The following HERC1 variants were observed in gnomAD, a reference collection of about 807,000 sequenced individuals.
The protein encoded by HERC1 is HECT and RLD domain containing E3 ubiquitin protein ligase family member 1.
In HERC1, 160 loss-of-function variants were observed where a neutral mutation model predicts 554.3. The ratio of observed to expected loss-of-function variants is 0.29; its 90% CI spans 0.25 to 0.33. The LOEUF is 0.33. Ranked by LOEUF, HERC1 falls within the 10% of genes least tolerant of loss-of-function variation. The probability of loss-of-function intolerance (pLI) is 1.00; values close to 1 mark genes in which losing one functional copy is unlikely to be tolerated. For synonymous variants in HERC1, 2,175 were observed against 2,131.7 expected (o/e 1.02, Z -0.56); for missense variants, 4,919 against 5,918.5 (o/e 0.83, Z 5.54).
At chr15:63,805,832 A>G (rs188439347) in intron 1 of HERC1, among the ~76,000 whole-genome samples, 11 of 151,806 alleles carry the variant, frequency 7.2e-5, no homozygotes, top group Admixed American at 4.6e-4. Flanking sequence ...GGTCCTAGCT[A>G]CTTGGGAAGC....
In HERC1 at chr15:63,620,187, T is replaced by C. The variant is rs2068011139; in HGVS notation, c.13688+2628A>G. On this transcript the variant is annotated intron_variant, in intron 74 of 77. Coordinates refer to ENST00000443617, the MANE Select transcript of HERC1 (RefSeq NM_003922.4). ...TGAATGTGTCCCAGAGATTCTGGTATGTTGTGTCTTTGTTCTCGTTGGTTT... is the reference window on the plus strand; with the variant it reads ...TGAATGTGTCCCAGAGATTCTGGTACGTTGTGTCTTTGTTCTCGTTGGTTT... Among the ~76,000 whole-genome samples, 3 of 152,234 alleles carry C rather than the reference T, an allele frequency of 2.0e-5. No homozygotes were observed. In the South Asian group the frequency reaches 6.2e-4, roughly 32 times the overall value.
intron 25 of HERC1, among the ~76,000 whole-genome samples, chr15:63,703,493 T>G (rs150032998): frequency 6.6e-6 from 1 of 152,342 alleles, no homozygotes; most frequent in African/African-American, 2.4e-5. Flanking sequence ...CTCATCAGGC[T>G]TTTAGTAATT....
intron 48 of HERC1, 67 bp from the exon 49 acceptor site, chr15:63,656,425 C>T (rs2070038860): frequency 2.2e-6 from 3 of 1,336,416 alleles, no homozygotes; most frequent in South Asian, 2.6e-5. Context: ...CATTTGCAGT[C>T]CCACATAACA....
chr15:63,713,312 G>C (rs1354077325), intron 23 of HERC1, 41 bp downstream of exon 23: 1 of 1,498,308 alleles, frequency 6.7e-7, no homozygotes, highest in Admixed American at 1.7e-5. Flanking sequence ...GTAATAAAGG[G>C]AAGTGAGTAG....
At chr15:63,791,160 C>G (rs1256665516) in intron 1 of HERC1, among the ~76,000 whole-genome samples, 3 of 152,168 alleles carry the variant, frequency 2.0e-5, no homozygotes, top group Non-Finnish European at 2.9e-5. Context: ...GATGACATAT[C>G]TATCAACCTT....
At chr15:63,624,680 G>GT (rs2068225265) in intron 71 of HERC1, among the ~76,000 whole-genome samples, 1 of 152,176 alleles carries the variant, frequency 6.6e-6, no homozygotes, top group Non-Finnish European at 1.5e-5. Context: ...TGGGCACAGA[G>GT]TGAGACCCTG....
chr15:63,617,207 G>C (rs1335216218), intron 74 of HERC1, among the ~76,000 whole-genome samples: 2 of 152,138 alleles, frequency 1.3e-5, no homozygotes, highest in East Asian at 3.9e-4. Flanking sequence ...TCCCCTTCCT[G>C]TGTCCATGTG....
At chr15:63,640,487 G>A in intron 60 of HERC1, 42 bp from the exon 61 acceptor site, 2 of 1,499,772 alleles carry the variant, frequency 1.3e-6, no homozygotes, top group Middle Eastern at 1.8e-4. Context: ...AAGAGTTTGT[G>A]CCAAATATTC....
In HERC1 at chr15:63,775,805, A is replaced by G. The variant is rs563747409; in HGVS notation, c.-26-156T>C. 4.8e-3 allele frequency among the ~76,000 whole-genome samples: 736 copies of G among 152,312 alleles called. 10 individuals are homozygous for G. The highest frequency in any genetic ancestry group is 0.027 in the South Asian group (130 of 4,826). On this transcript the variant is annotated intron_variant, in intron 1 of 77. Coordinates refer to ENST00000443617, the MANE Select transcript of HERC1 (RefSeq NM_003922.4). The surrounding 1 kb of genome is among the most constrained non-coding windows in gnomAD (Gnocchi z 4.0). ...GTAATCCCAACACTTTGGGAGGCCA[A>G]AGTGGGCAGATCACTTGAGGCCAGG... is the stretch of plus-strand genomic sequence containing the variant.
At position 63,612,397 on chromosome 15, in the gene HERC1, G is replaced by T; in HGVS notation, c.14254C>A (p.Gln4752Lys). ...VRYREVDEQH[Q>K]LVQWFWHTLE... is the part of the protein sequence containing the mutation. ...GTGTGCCAGAACCACTGCACCAGCTGATGCTGCTCATCCACCTCACGGTAC... is the reference window on the plus strand; with the variant it reads ...GTGTGCCAGAACCACTGCACCAGCTTATGCTGCTCATCCACCTCACGGTAC... The change falls in exon 77 of 78, where the codon CAG (glutamine) becomes AAG (lysine). Residue 4752 changes from glutamine (Q) to lysine (K), a missense_variant. By Grantham distance (53) the Gln-to-Lys change is moderately conservative (BLOSUM62 1). This residue lies in a region of HERC1 where 284 missense variants were observed against 294.1 expected (regional missense o/e 0.97). Coordinates refer to ENST00000443617, the MANE Select transcript of HERC1 (RefSeq NM_003922.4). This position sits in a 1 kb window ranked among gnomAD's most constrained non-coding sequence, Gnocchi z 5.0. 1 of 1,614,018 alleles carries T rather than the reference G, an allele frequency of 6.2e-7. No homozygotes were observed. Among genetic ancestry groups the T allele is most frequent in the South Asian group, 1.1e-5 (1 of 91,082 alleles).
intron 39 of HERC1, among the ~76,000 whole-genome samples, chr15:63,670,603 C>T (rs2152963534): frequency 6.6e-6 from 1 of 152,242 alleles, no homozygotes; most frequent in South Asian, 2.1e-4. Context: ...GTCATAAGTC[C>T]TGGTGAATGC....
chr15:63,807,750 A>G (rs1225988546), intron 1 of HERC1, among the ~76,000 whole-genome samples: 1 of 152,148 alleles, frequency 6.6e-6, no homozygotes, highest in African/African-American at 2.4e-5. Context: ...ATTCCTACCA[A>G]TTCCTACATC....
chr15:63,664,669 T>C lies in HERC1; in HGVS notation c.8556-75A>G, dbSNP rs1284180321. On this transcript the variant is annotated intron_variant, in intron 42 of 77. Transcript: ENST00000443617. ...AAAGAAAGCATAGGTGTAAGCTTAC[T>C]TGTAGTACTACTTTATTCTCATTGA... The C allele has an allele frequency of 1.1e-5, 14 of 1,259,608 alleles. No individual in the cohort carries two copies. In the Admixed American group the frequency reaches 2.0e-4, roughly 18 times the overall value. The allele number at this position is 1,259,608 out of a possible 1,614,324, so 78.0% of individuals were successfully genotyped here.
intron 39 of HERC1, among the ~76,000 whole-genome samples, chr15:63,671,610 A>T (rs2070928456): frequency 6.6e-6 from 1 of 152,164 alleles, no homozygotes; most frequent in Non-Finnish European, 1.5e-5. Flanking sequence ...ACTTAATTAA[A>T]ATGTAAACTA....
intron 40 of HERC1, 120 bp downstream of exon 40, chr15:63,669,417 TC>T: frequency 1.1e-6 from 1 of 898,612 alleles, no homozygotes; most frequent in South Asian, 1.6e-5. Context: ...ATGGGGCAGT[TC>T]CCCTTCATTA....
rs1406499410 is a variant in HERC1 at position 63,694,006 on chromosome 15, T to G, written c.5632A>C (p.Lys1878Gln). 1 of 1,563,564 alleles carries G rather than the reference T, an allele frequency of 6.4e-7. No individual in the cohort carries two copies. ...TCAGTTTCTCCACTGGAGTCAACTT[T>G]TTTTTCTTCTTCTTCACCGTCTTCT... ...EQEDGEEEEK[K>Q]VDSSGETEKK... Residue 1878 changes from lysine (K) to glutamine (Q), a missense_variant, in exon 30 of 78, where the codon AAA becomes CAA. Coordinates refer to ENST00000443617, the MANE Select transcript of HERC1 (RefSeq NM_003922.4). This position sits in a 1 kb window ranked among gnomAD's most constrained non-coding sequence, Gnocchi z 4.3.
chr15:63,696,321 G>C lies in HERC1; in HGVS notation c.4924C>G (p.His1642Asp), dbSNP rs772320332. 5 of 1,611,950 alleles carry C rather than the reference G, an allele frequency of 3.1e-6. No homozygotes were observed. The South Asian group carries it at 5.5e-5, about 18-fold the overall frequency. ...CCAGACAATAGAACGAGGATCTGAT[G>C]AAGTGCCTCTAAACGAAGCTTGAGG... ...LRAELRLEAL[H>D]QILVLLSGME... The change falls in exon 27 of 78, where the codon CAT becomes GAT. Residue 1642 changes from histidine (H) to aspartate (D), a missense_variant. Physicochemically the swap from His to Asp is moderately conservative, Grantham distance 81. Transcript: ENST00000443617.
At chr15:63,664,694 A>T (rs1401123308) in intron 42 of HERC1, 100 bp from the exon 43 acceptor site, 1 of 966,144 alleles carries the variant, frequency 1.0e-6, no homozygotes, top group East Asian at 2.7e-5. Context: ...ATTCTCATTG[A>T]GAATAAAATA....
intron 70 of HERC1, among the ~76,000 whole-genome samples, chr15:63,626,824 G>A (rs953945892): frequency 3.9e-5 from 6 of 152,142 alleles, no homozygotes; most frequent in East Asian, 1.9e-4. Flanking sequence ...ATTATTGTTC[G>A]TAGTAAAAAC....
Sources: gnomAD v4.1 joint callset for allele counts (sites outside exome capture counted in the v4.1 genomes callset) on GRCh38, gnomAD v4.1.1 for gene constraint, gnomAD v4.1.1 regional missense constraint, Gnocchi (gnomAD v3.1) non-coding constraint, MANE v1.5 for transcripts, NCBI Gene and HGNC (gene_info 2026-07-23, HGNC 2026-07-21) for gene names.